The following C8orf74 variants were observed in gnomAD, a reference collection of about 807,000 sequenced individuals.
C8orf74 encodes the protein uncharacterized protein C8orf74.
In C8orf74, 29 loss-of-function variants were observed where a neutral mutation model predicts 22.2. The ratio of observed to expected loss-of-function variants is 1.31; its 90% CI spans 0.97 to 1.78. C8orf74 has a LOEUF of 1.78. Ranked by LOEUF, C8orf74 falls within the 40% of genes most tolerant of loss-of-function variation. C8orf74 has a pLI of 0.00. For missense variants in C8orf74, 515 were observed against 369.9 expected (o/e 1.39, Z -3.22); for synonymous variants, 255 against 163.1 (o/e 1.56, Z -4.30).
chr8:10,678,924 A>T (rs56874431), intron 2 of C8orf74, among the ~76,000 whole-genome samples: 1 of 152,206 alleles, frequency 6.6e-6, no homozygotes, highest in East Asian at 1.9e-4. Flanking sequence ...TGCCTTGCAC[A>T]GGGACACTCG....
intron 2 of C8orf74, among the ~76,000 whole-genome samples, chr8:10,694,249 T>C (rs1799442657): frequency 6.6e-6 from 1 of 152,170 alleles, no homozygotes; most frequent in Non-Finnish European, 1.5e-5. Context: ...TCTTACATAG[T>C]GCCGAGTAAT....
At chr8:10,687,281 C>G (rs1799281154) in intron 2 of C8orf74, 2 of 357,672 alleles carry the variant, frequency 5.6e-6, no homozygotes, top group Non-Finnish European at 1.1e-5. Flanking sequence ...GGTAAGAACA[C>G]TGCTGCCCAT....
At chr8:10,690,836 TCTC>T in intron 2 of C8orf74, 1 of 453,414 alleles carries the variant, frequency 2.2e-6, no homozygotes, top group Non-Finnish European at 4.4e-6. Flanking sequence ...TCCTCATTCC[TCTC>T]CTCCTCCACT....
In C8orf74 at chr8:10,697,984, C is replaced by T. The variant is rs1163639113; in HGVS notation, c.627C>T (p.Pro209=). ...TCGCTGCCGCCGCGCCTGCGCAGCC[C>T]GGCCAGGTCCTGGAGAGACAGGTGA... ...KAFAAAAPAQ[P]GQVLERQELE... is the part of the protein sequence containing the mutation. The change falls in exon 3 of 4, where the codon CCC becomes CCT. Residue 209 remains proline (P), a synonymous_variant. Coordinates refer to ENST00000304519, the MANE Select transcript of C8orf74 (RefSeq NM_001040032.2). 5 of 1,502,158 alleles carry T rather than the reference C, an allele frequency of 3.3e-6. No homozygotes were observed. The African/African-American group carries it at 4.1e-5, about 12-fold the overall frequency. 93.1% of individuals were successfully genotyped at this position (1,502,158 alleles called of 1,614,324 possible).
rs199939928 is a variant in C8orf74 at position 10,696,428 on chromosome 8, TTTC to T, written c.242-1168_242-1166del. Among the ~76,000 whole-genome samples, 712 of 139,568 alleles carry T rather than the reference TTTC, an allele frequency of 5.1e-3. 6 individuals are homozygous for T. The highest frequency in any genetic ancestry group is 0.022 in the African/African-American group (678 of 30,882). 91.6% of individuals were successfully genotyped at this position (139,568 alleles called of 152,430 possible). ...GCTCCACTCTTTTTTTTTCTTTTCT[TTTC>T]TTTTCTTTTCTTTTTTTTTTTTTTT... is the stretch of plus-strand genomic sequence containing the variant. On this transcript the variant is annotated intron_variant, in intron 2 of 3. Coordinates refer to ENST00000304519, the MANE Select transcript of C8orf74 (RefSeq NM_001040032.2).
rs767874678 is a variant in C8orf74, at chr8:10,674,763, G to A, written c.166G>A (p.Val56Met). The A allele has an allele frequency of 6.2e-7, 1 of 1,607,030 alleles. No individual in the cohort carries two copies. Among genetic ancestry groups the A allele is most frequent in the Non-Finnish European group, 8.5e-7 (1 of 1,176,926 alleles). ...CCTCTACGAGAGCATCATCTTTGCA[G>A]TGGGCAAAGGCTTCCCATGGGTGGA... The part of the protein sequence containing the change: ...DTLYESIIFA[V>M]GKGFPWVEVA... Residue 56 changes from valine (V) to methionine (M), a missense_variant, in exon 2 of 4, where the codon GTG becomes ATG. Transcript: ENST00000304519.
chr8:10,681,796 C>A (rs1446647812), intron 2 of C8orf74, among the ~76,000 whole-genome samples: 2 of 152,204 alleles, frequency 1.3e-5, no homozygotes, highest in Non-Finnish European at 2.9e-5. Flanking sequence ...TGGCAGGAGG[C>A]GGGACTTGTG....
At chr8:10,693,400 C>T (rs556633088) in intron 2 of C8orf74, among the ~76,000 whole-genome samples, 74 of 152,300 alleles carry the variant, frequency 4.9e-4, no homozygotes, top group Admixed American at 1.4e-3. Flanking sequence ...AGCTAGATAT[C>T]TGTGTGTTTC....
chr8:10,672,821 C>A lies in C8orf74; in HGVS notation c.48+108C>A, dbSNP rs1012283034. ...TCAGGAGACCCCGGGGCAGCCACCC[C>A]GGCTCAGCACAGCACCTCTGAGGCT... On this transcript the variant is annotated intron_variant, in intron 1 of 3. Transcript: ENST00000304519. 4.4e-6 allele frequency: 4 copies of A among 912,772 alleles called. No homozygotes were observed. The African/African-American group carries it at 5.0e-5, about 11-fold the overall frequency. The allele number at this position is 912,772 out of a possible 1,614,324, so 56.5% of individuals were successfully genotyped here. A position where few individuals can be genotyped will look rare whatever the true frequency, so the allele number is the denominator to read the frequency against.
intron 2 of C8orf74, among the ~76,000 whole-genome samples, chr8:10,695,407 G>C (rs1162741421): frequency 6.6e-6 from 1 of 152,202 alleles, no homozygotes; most frequent in African/African-American, 2.4e-5. Flanking sequence ...ACAGCCTCCA[G>C]TCTGTGATTC....
intron 2 of C8orf74, among the ~76,000 whole-genome samples, chr8:10,680,845 C>A (rs1203616769): frequency 1.3e-5 from 2 of 152,204 alleles, no homozygotes; most frequent in African/African-American, 4.8e-5. Flanking sequence ...TCTTTTCCAC[C>A]TTGCATCCCA....
At chr8:10,685,413 T>C (rs988857247) in intron 2 of C8orf74, among the ~76,000 whole-genome samples, 2 of 152,226 alleles carry the variant, frequency 1.3e-5, no homozygotes, top group Non-Finnish European at 2.9e-5. Context: ...GATGGATGAA[T>C]GGATAAGCAG....
At chr8:10,675,637 A>G (rs1799017060) in intron 2 of C8orf74, 1 of 152,216 alleles carries the variant, frequency 6.6e-6, no homozygotes, top group Admixed American at 6.5e-5. Context: ...CAAATGATCC[A>G]AGTGGACATT....
At chr8:10,696,678 C>T (rs1799508369) in intron 2 of C8orf74, among the ~76,000 whole-genome samples, 1 of 151,988 alleles carries the variant, frequency 6.6e-6, no homozygotes. Flanking sequence ...GAACTCCTCA[C>T]CTCAAGTGAT....
At chr8:10,680,341 T>A (rs575178380) in intron 2 of C8orf74, among the ~76,000 whole-genome samples, 23 of 152,300 alleles carry the variant, frequency 1.5e-4, no homozygotes, top group Admixed American at 7.8e-4. Flanking sequence ...AGTTCCTACT[T>A]ATAGGAAGGA....
At chr8:10,676,815 T>A (rs1206427196) in intron 2 of C8orf74, among the ~76,000 whole-genome samples, 1 of 152,118 alleles carries the variant, frequency 6.6e-6, no homozygotes, top group African/African-American at 2.4e-5. Context: ...TCAATCCCGG[T>A]GTCTGAGCTC....
At chr8:10,677,534 G>A (rs1799058572) in intron 2 of C8orf74, among the ~76,000 whole-genome samples, 1 of 151,976 alleles carries the variant, frequency 6.6e-6, no homozygotes, top group Admixed American at 6.5e-5. Context: ...TATATATAAT[G>A]AGTCAAATAT....
chr8:10,686,875 C>T (rs1294451122), intron 2 of C8orf74, among the ~76,000 whole-genome samples: 2 of 152,158 alleles, frequency 1.3e-5, no homozygotes. Flanking sequence ...GGACCCAGCC[C>T]ACTCCCAGCT....
At chr8:10,676,613 C>T (rs745639459) in intron 2 of C8orf74, among the ~76,000 whole-genome samples, 1 of 152,184 alleles carries the variant, frequency 6.6e-6, no homozygotes, top group Admixed American at 6.5e-5. Context: ...CTCCTGCCAG[C>T]CTGCGTTCCC....
Sources: allele counts gnomAD v4.1 joint callset (sites outside exome capture counted in the v4.1 genomes callset), GRCh38; gene constraint gnomAD v4.1.1; transcripts MANE v1.5; gene names NCBI Gene and HGNC (gene_info 2026-07-23, HGNC 2026-07-21).